The following DCBLD2 variants were observed in gnomAD, a reference collection of about 807,000 sequenced individuals.
The protein encoded by DCBLD2 is discoidin, CUB and LCCL domain-containing protein 2.
In DCBLD2, 54 loss-of-function variants were observed where a neutral mutation model predicts 86.8. The ratio of observed to expected loss-of-function variants is 0.62; its 90% CI spans 0.50 to 0.78. The LOEUF is 0.78. Among genes scored for constraint, DCBLD2 ranks in the 30% least tolerant of loss-of-function variants. DCBLD2 has a pLI of 0.00. For missense variants in DCBLD2, 908 were observed against 954.2 expected, an observed-to-expected ratio of 0.95 and a Z score of 0.64; for synonymous variants, 354 against 341.3, an observed-to-expected ratio of 1.04 and a Z score of -0.41.
At chr3:98,817,960 A>C in intron 8 of DCBLD2, 67 bp from the exon 9 acceptor site, 3 of 1,574,334 alleles carry the variant, frequency 1.9e-6, no homozygotes, top group Non-Finnish European at 2.6e-6. Context: ...TCAGCATCAA[A>C]GTATAAACAC....
At chr3:98,867,797 GTTGTTTT>G (rs1252752922) in intron 2 of DCBLD2, among the ~76,000 whole-genome samples, 1 of 150,336 alleles carries the variant, frequency 6.7e-6, no homozygotes, top group East Asian at 1.9e-4. Context: ...ATTTGTTTTT[GTTGTTTT>G]TTGTTTTTTT....
intron 3 of DCBLD2, among the ~76,000 whole-genome samples, chr3:98,827,148 C>T (rs1942238271): frequency 6.6e-6 from 1 of 152,070 alleles, no homozygotes; most frequent in South Asian, 2.1e-4. Flanking sequence ...TAAATCTGTG[C>T]TTTAGGAATT....
At chr3:98,861,556 C>T (rs1943044970) in intron 2 of DCBLD2, among the ~76,000 whole-genome samples, 2 of 152,150 alleles carry the variant, frequency 1.3e-5, no homozygotes, top group Admixed American at 6.5e-5. Context: ...CAAACTAGAA[C>T]TCAGGATTAA....
rs149557515 is a variant in DCBLD2, at chr3:98,830,278, T to A, written c.572-4912A>T. Among the ~76,000 whole-genome samples, 18 of 152,348 alleles carry A rather than the reference T, an allele frequency of 1.2e-4. No homozygotes were observed. In the South Asian group the frequency reaches 2.7e-3, roughly 23 times the overall value. On this transcript the variant is annotated intron_variant, in intron 3 of 15. Coordinates refer to ENST00000326840, the MANE Select transcript of DCBLD2 (RefSeq NM_080927.4). ...TTGTCAATGTTTGCTTTTGCTGTGA[T>A]TGTTTTTGGTGTCTTCATCATGAAA...
intron 2 of DCBLD2, among the ~76,000 whole-genome samples, chr3:98,852,393 C>G (rs547234333): frequency 1.3e-5 from 2 of 152,092 alleles, no homozygotes; most frequent in African/African-American, 4.8e-5. Context: ...ATTACAGGCG[C>G]ACACCAACAC....
At chr3:98,896,146 T>C (rs576084557) in intron 1 of DCBLD2, among the ~76,000 whole-genome samples, 21 of 152,362 alleles carry the variant, frequency 1.4e-4, no homozygotes, top group Admixed American at 7.2e-4. Context: ...GGGTGCACGT[T>C]CAGCTGGTGA....
intron 1 of DCBLD2, among the ~76,000 whole-genome samples, chr3:98,887,660 G>A (rs2107527677): frequency 6.6e-6 from 1 of 151,970 alleles, no homozygotes; most frequent in East Asian, 1.9e-4. Context: ...CATAAATTTA[G>A]TATTTAAAAT....
chr3:98,844,375 G>A (rs1942681959), intron 3 of DCBLD2, among the ~76,000 whole-genome samples: 1 of 74,976 alleles, frequency 1.3e-5, no homozygotes, highest in African/African-American at 5.2e-5. Context: ...TTATTATTTT[G>A]GGATAGAGTT....
At chr3:98,862,300 G>A (rs966912458) in intron 2 of DCBLD2, among the ~76,000 whole-genome samples, 3 of 152,190 alleles carry the variant, frequency 2.0e-5, no homozygotes, top group African/African-American at 7.2e-5. Context: ...ACAAGGAGGA[G>A]CTGGTACCAT....
chr3:98,859,097 A>G (rs1942992292), intron 2 of DCBLD2, among the ~76,000 whole-genome samples: 1 of 152,124 alleles, frequency 6.6e-6, no homozygotes, highest in Non-Finnish European at 1.5e-5. Context: ...CCTGGCTCGG[A>G]GGGTCCTACG....
Position 98,849,465 on chromosome 3 carries a change from T to C in DCBLD2, c.567A>G (p.Lys189=). 6.2e-7 allele frequency: 1 copy of C among 1,613,934 alleles called. No individual in the cohort carries two copies. Among genetic ancestry groups the C allele is most frequent in the Non-Finnish European group, 8.5e-7 (1 of 1,179,858 alleles). The change falls in exon 3 of 16, where the codon AAA becomes AAG. Residue 189 remains lysine (K), a synonymous_variant. Transcript: ENST00000326840. The part of the protein sequence containing the change: ...GFLASYSVID[K]QDLITCLDTA... ...ATTGCAAAAGGTGAAAATTACCTTG[T>C]TTATCTATAACAGAGTATGAGGCCA...
chr3:98,884,844 G>C (rs146448544), intron 1 of DCBLD2, among the ~76,000 whole-genome samples: 3 of 152,258 alleles, frequency 2.0e-5, no homozygotes, highest in African/African-American at 2.4e-5. Context: ...TGTAGTGGCA[G>C]ATTGTCACAC....
At chr3:98,899,845 G>A (rs116808439) in intron 1 of DCBLD2, among the ~76,000 whole-genome samples, 1,580 of 152,238 alleles carry the variant, frequency 0.01, 14 homozygotes, top group Middle Eastern at 0.027. Flanking sequence ...AGTTGTTCCA[G>A]CCACAAAGTA....
intron 4 of DCBLD2, among the ~76,000 whole-genome samples, chr3:98,823,101 G>A (rs1322157380): frequency 6.6e-6 from 1 of 152,166 alleles, no homozygotes; most frequent in South Asian, 2.1e-4. Context: ...TCAAACTCCT[G>A]ACCTCAGGTG....
intron 2 of DCBLD2, among the ~76,000 whole-genome samples, chr3:98,870,806 A>AAAGGAAGG (rs1491200178): frequency 8.9e-5 from 11 of 123,386 alleles, no homozygotes; most frequent in South Asian, 2.7e-4. Flanking sequence ...AGAAAGAAAG[A>AAAGGAAGG]AAGAAAGGTA....
Position 98,799,535 on chromosome 3 carries a change from G to T in DCBLD2, c.2165C>A (p.Thr722Asn). The part of the protein sequence containing the change: ...VGTYNTLLSR[T>N]DSCSSAQAQY... ...GGCCTGGGCTGAGGAGCAGCTGTCA[G>T]TCCTGGAGAGAAGTGTATTGTAAGT... The change falls in exon 16 of 16, where the codon ACT becomes AAT. Residue 722 changes from threonine to asparagine, a missense_variant. Transcript: ENST00000326840. 1 of 1,613,972 alleles carries T rather than the reference G, an allele frequency of 6.2e-7. No individual in the cohort carries two copies. Among genetic ancestry groups the T allele is most frequent in the Non-Finnish European group, 8.5e-7 (1 of 1,179,878 alleles).
At chr3:98,810,136 G>T (rs1399844417) in intron 12 of DCBLD2, among the ~76,000 whole-genome samples, 1 of 152,152 alleles carries the variant, frequency 6.6e-6, no homozygotes, top group Non-Finnish European at 1.5e-5. Flanking sequence ...AGCCTTGAGG[G>T]TCTGAGATGC....
chr3:98,800,556 C>T, intron 15 of DCBLD2, 23 bp downstream of exon 15: 1 of 1,604,034 alleles, frequency 6.2e-7, no homozygotes, highest in Non-Finnish European at 8.5e-7. Flanking sequence ...CTGCCTGGTA[C>T]CAGAAGGCTG....
chr3:98,808,538 A>G (rs900838267), intron 12 of DCBLD2, among the ~76,000 whole-genome samples: 1 of 152,224 alleles, frequency 6.6e-6, no homozygotes, highest in Non-Finnish European at 1.5e-5. Flanking sequence ...CAAACATTTA[A>G]GAGAAAAATC....
Sources: gnomAD v4.1 joint callset for allele counts (sites outside exome capture counted in the v4.1 genomes callset) on GRCh38, gnomAD v4.1.1 for gene constraint, MANE v1.5 for transcripts, NCBI Gene and HGNC (gene_info 2026-07-23, HGNC 2026-07-21) for gene names.